Variants in PTPRN2 observed in about 807,000 individuals in gnomAD.
The protein encoded by PTPRN2 is receptor-type tyrosine-protein phosphatase N2.
A neutral mutation model predicts 118.8 loss-of-function variants in PTPRN2; 74 were observed. The observed-to-expected ratio is 0.62, with a 90% confidence interval of 0.52 to 0.76. The LOEUF is 0.76. Among genes scored for constraint, PTPRN2 ranks in the 30% least tolerant of loss-of-function variants. The pLI is 0.00. For missense variants in PTPRN2, 1,481 were observed against 1,394.4 expected, an observed-to-expected ratio of 1.06 and a Z score of -0.99; for synonymous variants, 641 against 608.0, an observed-to-expected ratio of 1.05 and a Z score of -0.80.
At chr7:158,505,986 G>C (rs1401401885) in intron 1 of PTPRN2, among the ~76,000 whole-genome samples, 2 of 152,238 alleles carry the variant, frequency 1.3e-5, no homozygotes, top group Non-Finnish European at 2.9e-5. Flanking sequence ...AGCCCACCGC[G>C]CGTCCTCACA....
intron 1 of PTPRN2, among the ~76,000 whole-genome samples, chr7:158,558,378 C>T (rs947290264): frequency 6.6e-6 from 1 of 152,208 alleles, no homozygotes; most frequent in African/African-American, 2.4e-5. Flanking sequence ...TTGTCTCTAG[C>T]CTATGGCCAT....
intron 2 of PTPRN2, among the ~76,000 whole-genome samples, chr7:158,332,286 A>AGGCC (rs1804631837): frequency 6.8e-6 from 1 of 147,286 alleles, no homozygotes; most frequent in Non-Finnish European, 1.5e-5. Flanking sequence ...ATAAGAGGTG[A>AGGCC]CATCTGCAGA....
chr7:158,195,355 T>C (rs1360466718), intron 4 of PTPRN2, among the ~76,000 whole-genome samples: 1 of 152,190 alleles, frequency 6.6e-6, no homozygotes, highest in Non-Finnish European at 1.5e-5. Flanking sequence ...GAAATGCACC[T>C]TTTTTTCCTC....
At chr7:158,489,587 G>C (rs932078768) in intron 2 of PTPRN2, 148 bp downstream of exon 2, 4 of 737,088 alleles carry the variant, frequency 5.4e-6, no homozygotes, top group Non-Finnish European at 8.1e-6. Context: ...GCAGCCCATG[G>C]CTCCGGGGTT....
rs10580741 is a variant in PTPRN2, at chr7:158,244,727, AGTGTGTGT to A, written c.278-39462_278-39455del. ...TGGTTGTGAGTTGTGTTAGAGTGAA[AGTGTGTGT>A]GTGTGTGAGTTGTGTGGTTAGCGTC... On this transcript the variant is annotated intron_variant, in intron 3 of 22. Transcript: ENST00000389418. Among the ~76,000 whole-genome samples the A allele has an allele frequency of 6.0e-5, 9 of 151,034 alleles. No individual in the cohort carries two copies. The South Asian group carries it at 1.3e-3, about 21-fold the overall frequency.
At chr7:158,397,732 G>A (rs1812631179) in intron 2 of PTPRN2, among the ~76,000 whole-genome samples, 1 of 152,144 alleles carries the variant, frequency 6.6e-6, no homozygotes, top group Non-Finnish European at 1.5e-5. Context: ...CTGCAGAGAA[G>A]ATGCCTTGTG....
intron 3 of PTPRN2, among the ~76,000 whole-genome samples, chr7:158,240,694 G>A (rs1320704200): frequency 4.6e-5 from 7 of 152,234 alleles, no homozygotes; most frequent in Non-Finnish European, 1.5e-5. Flanking sequence ...CTCCCAAAGT[G>A]CTGGGATTAC....
rs138124601 is a variant in PTPRN2 at position 158,576,255 on chromosome 7, T to C, written c.112+11303A>G. The stretch of plus-strand genomic sequence containing the variant: ...GCCCGGGCTGCCTGCACAGCAACCC[T>C]GTCAGGCTCATGCAGAAGAAGCCGT... On this transcript the variant is annotated intron_variant, in intron 1 of 22. Coordinates refer to ENST00000389418, the MANE Select transcript of PTPRN2 (RefSeq NM_002847.5). Among the ~76,000 whole-genome samples the C allele has an allele frequency of 2.8e-3, 423 of 152,298 alleles. 3 individuals are homozygous for C. Among genetic ancestry groups the C allele is most frequent in the African/African-American group, 9.6e-3 (399 of 41,564 alleles).
At chr7:158,138,763 A>G (rs1304076110) in intron 6 of PTPRN2, among the ~76,000 whole-genome samples, 5 of 152,240 alleles carry the variant, frequency 3.3e-5, no homozygotes, top group Non-Finnish European at 7.3e-5. Flanking sequence ...GGACAGACTC[A>G]TCCACGCGCT....
At chr7:158,176,438 G>C (rs924518459) in intron 5 of PTPRN2, among the ~76,000 whole-genome samples, 2 of 152,234 alleles carry the variant, frequency 1.3e-5, no homozygotes, top group African/African-American at 4.8e-5. Context: ...GGAAAGGGCA[G>C]AGCTAAGATG....
At chr7:157,694,079 T>C (rs931625591) in intron 12 of PTPRN2, among the ~76,000 whole-genome samples, 3 of 152,286 alleles carry the variant, frequency 2.0e-5, no homozygotes, top group African/African-American at 7.2e-5. Context: ...AGACATGACC[T>C]GACAGTGAAT....
At chr7:157,981,801 A>G (rs4716860) in intron 11 of PTPRN2, among the ~76,000 whole-genome samples, 2,421 of 152,380 alleles carry the variant, frequency 0.016, 123 homozygotes, top group South Asian at 0.11. Flanking sequence ...TTGAGTTAAT[A>G]TAACACCAGT....
chr7:157,995,449 G>A (rs925307793), intron 11 of PTPRN2, among the ~76,000 whole-genome samples: 4 of 152,266 alleles, frequency 2.6e-5, no homozygotes, highest in Middle Eastern at 3.2e-3. Flanking sequence ...CTCCAGGCCT[G>A]CCTGTCACTC....
intron 3 of PTPRN2, among the ~76,000 whole-genome samples, chr7:158,237,959 A>G (rs118113090): frequency 0.013 from 2,052 of 152,258 alleles, 20 homozygotes; most frequent in Non-Finnish European, 0.019. Flanking sequence ...AGATACACAC[A>G]GGACACAAGT....
At chr7:158,559,806 C>T (rs1170653454) in intron 1 of PTPRN2, among the ~76,000 whole-genome samples, 2 of 152,150 alleles carry the variant, frequency 1.3e-5, no homozygotes, top group Admixed American at 6.5e-5. Context: ...AGAGGTGAGG[C>T]GATGTCAAAG....
intron 16 of PTPRN2, among the ~76,000 whole-genome samples, chr7:157,599,162 A>C (rs898947920): frequency 2.0e-5 from 3 of 152,142 alleles, no homozygotes; most frequent in African/African-American, 7.2e-5. Flanking sequence ...GGCGTGTGCC[A>C]CCACACCCAG....
Position 158,139,492 on chromosome 7 carries a change from C to CG in PTPRN2, c.911-978dup, listed in dbSNP as rs77341339. Among the ~76,000 whole-genome samples the CG allele has an allele frequency of 2.8e-3, 426 of 151,258 alleles. 2 individuals are homozygous for CG. The highest frequency in any genetic ancestry group is 6.0e-3 in the African/African-American group (246 of 41,248). The stretch of plus-strand genomic sequence containing the variant: ...CCAAGCCGTCGGAGTCAGGAGGGCA[C>CG]GGGGGGGTGGGAAAGGAACCAGAAA... On this transcript the variant is annotated intron_variant, in intron 6 of 22. Coordinates refer to ENST00000389418, the MANE Select transcript of PTPRN2 (RefSeq NM_002847.5).
intron 12 of PTPRN2, among the ~76,000 whole-genome samples, chr7:157,718,637 G>A (rs149057796): frequency 0.016 from 2,313 of 144,090 alleles, 60 homozygotes; most frequent in African/African-American, 0.057. Flanking sequence ...CGGTGGCCCC[G>A]TGGTGAGTCT....
intron 12 of PTPRN2, chr7:157,740,387 C>T (rs895972548): frequency 6.6e-6 from 1 of 151,922 alleles, no homozygotes; most frequent in African/African-American, 2.4e-5. Context: ...CACGGCAACG[C>T]GGGAGCCTGA....
Sources: gnomAD v4.1 joint callset for allele counts (sites outside exome capture counted in the v4.1 genomes callset) on GRCh38, gnomAD v4.1.1 for gene constraint, MANE v1.5 for transcripts, NCBI Gene and HGNC (gene_info 2026-07-23, HGNC 2026-07-21) for gene names.